The following CUBN variants were observed in gnomAD, a reference collection of about 807,000 sequenced individuals.
CUBN encodes 460 kDa receptor.
In CUBN, 282 loss-of-function variants were observed where a neutral mutation model predicts 405.3. That is an observed-to-expected ratio of 0.70 (90% CI 0.63 to 0.77). The LOEUF is 0.77. CUBN is among the 30% of genes least tolerant of loss of function. The pLI is 0.00. For synonymous variants in CUBN, 1,684 were observed against 1,617.0 expected (o/e 1.04, Z -0.99); for missense variants, 4,514 against 4,475.2 (o/e 1.01, Z -0.25).
intron 45 of CUBN, among the ~76,000 whole-genome samples, chr10:16,917,084 T>C (rs554694471): frequency 5.9e-5 from 9 of 152,208 alleles, no homozygotes; most frequent in Middle Eastern, 3.4e-3. Context: ...AGTGCTAGGA[T>C]TACAAGCATG....
At chr10:16,979,521 C>T (rs1023504174) in intron 31 of CUBN, among the ~76,000 whole-genome samples, 6 of 152,086 alleles carry the variant, frequency 3.9e-5, no homozygotes, top group African/African-American at 1.4e-4. Context: ...AGAAGAAAGG[C>T]CTCAGAAATA....
At chr10:17,035,043 G>A (rs1394135268) in intron 27 of CUBN, among the ~76,000 whole-genome samples, 1 of 150,434 alleles carries the variant, frequency 6.6e-6, no homozygotes. Flanking sequence ...AAGGTTTTGG[G>A]GATTCAAACT....
At chr10:17,025,180 A>G (rs984187533) in intron 27 of CUBN, among the ~76,000 whole-genome samples, 2 of 152,196 alleles carry the variant, frequency 1.3e-5, no homozygotes, top group African/African-American at 4.8e-5. Flanking sequence ...AGAATCCCCT[A>G]TTCTTTCTAT....
At chr10:17,070,310 C>A (rs1046933247) in intron 19 of CUBN, among the ~76,000 whole-genome samples, 2 of 152,166 alleles carry the variant, frequency 1.3e-5, no homozygotes, top group African/African-American at 4.8e-5. Flanking sequence ...GTGAGTCCTT[C>A]AACTTTGTAA....
intron 28 of CUBN, among the ~76,000 whole-genome samples, chr10:17,002,572 T>C (rs1300457874): frequency 6.6e-6 from 1 of 152,104 alleles, no homozygotes; most frequent in African/African-American, 2.4e-5. Context: ...CCCTTGCTGG[T>C]GAAGAGACTC....
chr10:17,112,616 G>A (rs1836795856), intron 8 of CUBN, among the ~76,000 whole-genome samples: 1 of 151,420 alleles, frequency 6.6e-6, no homozygotes, highest in Non-Finnish European at 1.5e-5. Flanking sequence ...CTTGCAAATT[G>A]TGCTTGCCCC....
At position 16,940,128 on chromosome 10, in the gene CUBN, G is replaced by C; in HGVS notation, c.5452C>G (p.Leu1818Val). The C allele has an allele frequency of 6.2e-7, 1 of 1,614,110 alleles. No homozygotes were observed. The highest frequency in any genetic ancestry group is 8.5e-7 in the Non-Finnish European group (1 of 1,179,972). The stretch of plus-strand genomic sequence containing the variant: ...TGTCCAACGATGGAAGAATAATTGA[G>C]AGGGAAGGAGTTTCCACAGTATCGT... ...VGRYCGNSFP[L>V]NYSSIVGHTL... The change falls in exon 37 of 67, where the codon CTC becomes GTC. Residue 1818 changes from leucine (L) to valine (V), a missense_variant. Physicochemically the swap from Leu to Val is conservative, Grantham distance 32. Coordinates refer to ENST00000377833, the MANE Select transcript of CUBN (RefSeq NM_001081.4).
At chr10:16,838,321 T>C (rs1839235438) in intron 62 of CUBN, among the ~76,000 whole-genome samples, 1 of 152,138 alleles carries the variant, frequency 6.6e-6, no homozygotes, top group African/African-American at 2.4e-5. Flanking sequence ...ACAGATACTC[T>C]ACTAGTCCAG....
At chr10:17,075,256 G>T (rs1208546211) in intron 17 of CUBN, among the ~76,000 whole-genome samples, 2 of 151,562 alleles carry the variant, frequency 1.3e-5, no homozygotes, top group African/African-American at 4.8e-5. Flanking sequence ...GCTAATTTTT[G>T]TATTTTTAGT....
chr10:16,840,734 G>T, intron 61 of CUBN, 151 bp downstream of exon 61: 1 of 835,324 alleles, frequency 1.2e-6, no homozygotes, highest in East Asian at 2.6e-5. Context: ...TAATTAACAT[G>T]GTGTTTAGCA....
Position 16,840,931 on chromosome 10 carries a change from T to C in CUBN, c.9780A>G (p.Leu3260=), listed in dbSNP as rs1300827081. The change falls in exon 61 of 67, where the codon TTA becomes TTG. Residue 3260 remains leucine, a synonymous_variant. Transcript: ENST00000377833. ...NFLTVQFISD[L]TLEREGFNAT... ...CATTAAATCCTTCCCTCTCTAATGT[T>C]AAGTCACTGATGAATTGAACCGTAA... 3.7e-6 allele frequency: 6 copies of C among 1,613,606 alleles called. No individual in the cohort carries two copies. The South Asian group carries it at 6.6e-5, about 18-fold the overall frequency.
In CUBN at chr10:16,982,574, G is replaced by C. The variant is rs780950849; in HGVS notation, c.4605C>G (p.Asp1535Glu). The C allele has an allele frequency of 5.0e-6, 8 of 1,613,726 alleles. No homozygotes were observed. The South Asian group carries it at 7.7e-5, about 16-fold the overall frequency. ...TGTCAACCCGAATGACCCAAGAACA[G>C]TCTGTGTTGCTCCTATAAGGACTGG... ...NYPSPYRSNT[D>E]CSWVIRVDRN... Residue 1535 changes from aspartate to glutamate, a missense_variant, in exon 31 of 67, where the codon GAC becomes GAG. Physicochemically the swap from Asp to Glu is conservative, Grantham distance 45 (BLOSUM62 2). Around this residue, in one of 5 missense-constraint regions of CUBN, gnomAD observed 1,613 missense variants for 1,542.8 expected, o/e 1.05. Coordinates refer to ENST00000377833, the MANE Select transcript of CUBN (RefSeq NM_001081.4).
intron 28 of CUBN, among the ~76,000 whole-genome samples, chr10:16,991,001 T>A (rs1833569117): frequency 1.3e-5 from 2 of 152,188 alleles, no homozygotes; most frequent in African/African-American, 4.8e-5. Flanking sequence ...TCCTTAGCTT[T>A]GTACCAAAGA....
intron 28 of CUBN, among the ~76,000 whole-genome samples, chr10:16,991,696 T>C (rs1833593862): frequency 6.6e-6 from 1 of 151,902 alleles, no homozygotes; most frequent in African/African-American, 2.4e-5. Context: ...TCTCTTATTC[T>C]TCATCAAGGC....
chr10:17,035,729 C>T (rs1206807091), intron 27 of CUBN, among the ~76,000 whole-genome samples: 2 of 152,038 alleles, frequency 1.3e-5, no homozygotes, highest in African/African-American at 2.4e-5. Context: ...CAAACTAATG[C>T]AGGAAACAGA....
Position 16,949,794 on chromosome 10 carries a change from C to T in CUBN, c.5080+207G>A, listed in dbSNP as rs11254293. On this transcript the variant is annotated intron_variant, in intron 34 of 66. Transcript: ENST00000377833. ...AAAACATATACACAAACTATTCACA[C>T]GTTTGAATATATTAATAAACAGGCT... 0.17 allele frequency among the ~76,000 whole-genome samples: 25,359 copies of T among 152,066 alleles called. 2,914 individuals carry two copies. Among genetic ancestry groups the T allele is most frequent in the African/African-American group, 0.31 (12,790 of 41,466 alleles).
chr10:16,978,113 G>T (rs1033411590), intron 31 of CUBN, among the ~76,000 whole-genome samples: 5 of 152,214 alleles, frequency 3.3e-5, no homozygotes, highest in Non-Finnish European at 5.9e-5. Flanking sequence ...ATTGAATGCA[G>T]TCTCAGTGAA....
Position 17,084,743 on chromosome 10 carries a change from T to C in CUBN, c.2111-282A>G, listed in dbSNP as rs887387385. On this transcript the variant is annotated intron_variant, in intron 16 of 66. Coordinates refer to ENST00000377833, the MANE Select transcript of CUBN (RefSeq NM_001081.4). ...TTGCTTTTTAAATACATTAATGCTCTGCTTCATTTCAATAAGATTTGAGAT... is the reference window on the plus strand; with the variant it reads ...TTGCTTTTTAAATACATTAATGCTCCGCTTCATTTCAATAAGATTTGAGAT... Among the ~76,000 whole-genome samples, 8 of 152,238 alleles carry C rather than the reference T, an allele frequency of 5.3e-5. No individual in the cohort carries two copies. In the East Asian group the frequency reaches 5.8e-4, roughly 11 times the overall value.
At chr10:17,075,090 T>C (rs1835827842) in intron 17 of CUBN, among the ~76,000 whole-genome samples, 1 of 139,390 alleles carries the variant, frequency 7.2e-6, no homozygotes, top group South Asian at 2.4e-4. Flanking sequence ...TTTTTTTTTT[T>C]TTTTTTTTTT....
Sources: gnomAD v4.1 joint callset for allele counts (sites outside exome capture counted in the v4.1 genomes callset) on GRCh38, gnomAD v4.1.1 for gene constraint, gnomAD v4.1.1 regional missense constraint, MANE v1.5 for transcripts, NCBI Gene and HGNC (gene_info 2026-07-23, HGNC 2026-07-21) for gene names.